Variants in DOCK9 observed in about 807,000 individuals in gnomAD.
DOCK9 encodes dedicator of cytokinesis 9.
Under a neutral mutation model 263.3 loss-of-function variants are expected in DOCK9, and 89 were observed. That is an observed-to-expected ratio of 0.34 (90% CI 0.28 to 0.40). The LOEUF (loss-of-function observed/expected upper bound fraction) is 0.40. DOCK9 is among the 10% of genes least tolerant of loss of function. The probability of loss-of-function intolerance (pLI) is 1.00; values close to 1 mark genes in which losing one functional copy is unlikely to be tolerated. For missense variants in DOCK9, 2,140 were observed against 2,603.4 expected (o/e 0.82, Z 3.87); for synonymous variants, 976 against 973.1 (o/e 1.00, Z -0.06).
intron 1 of DOCK9, among the ~76,000 whole-genome samples, chr13:99,034,888 T>A (rs889447253): frequency 6.6e-6 from 1 of 152,202 alleles, no homozygotes; most frequent in African/African-American, 2.4e-5. Context: ...CAGTTCCTTG[T>A]AAGCCATATG....
rs772951305 is a variant in DOCK9 at position 98,915,360 on chromosome 13, C to A, written c.861G>T (p.Met287Ile). Residue 287 changes from methionine (M) to isoleucine (I), a missense_variant, in exon 8 of 53, where the codon ATG (methionine) becomes ATT (isoleucine). Physicochemically the swap from Met to Ile is conservative, Grantham distance 10. This residue lies in a region of DOCK9 where 1,521 missense variants were observed against 1,741.7 expected (regional missense o/e 0.87). Transcript: ENST00000682017. ...KILQLNFEAAMQEKRNGDSHE... is the reference protein window; with the variant it reads ...KILQLNFEAAIQEKRNGDSHE... ...GAGAGTCGCCATTTCGCTTTTCTTG[C>A]ATTGCAGCTTCAAAGTTGAGCTGGA... The A allele has an allele frequency of 3.7e-6, 6 of 1,613,778 alleles. No individual in the cohort carries two copies. In the South Asian group the frequency reaches 4.4e-5, roughly 12 times the overall value.
intron 1 of DOCK9, among the ~76,000 whole-genome samples, chr13:99,012,742 C>T (rs1420392369): frequency 6.6e-6 from 1 of 152,142 alleles, no homozygotes; most frequent in Non-Finnish European, 1.5e-5. Context: ...ACTGCAAGCC[C>T]AGGGAACATT....
Position 98,969,361 on chromosome 13 carries a change from A to G in DOCK9, c.126+8423T>C, listed in dbSNP as rs961126776. Among the ~76,000 whole-genome samples, 12 of 152,246 alleles carry G rather than the reference A, an allele frequency of 7.9e-5. 1 individual carries two copies. The East Asian group carries it at 2.3e-3, about 29-fold the overall frequency. ...GGAAGGGAGGCAAATGAAAACGTGA[A>G]TGATTTTCAGATCTAGTCTTTCCTG... On this transcript the variant is annotated intron_variant, in intron 1 of 52. Coordinates refer to ENST00000682017, the MANE Select transcript of DOCK9 (RefSeq NM_001366683.2).
At chr13:98,963,286 C>A (rs2058858030) in intron 1 of DOCK9, among the ~76,000 whole-genome samples, 1 of 152,164 alleles carries the variant, frequency 6.6e-6, no homozygotes, top group East Asian at 1.9e-4. Flanking sequence ...TCTGGCGGCC[C>A]AACATCATGC....
At chr13:98,886,830 C>A (rs1367670394) in intron 18 of DOCK9, among the ~76,000 whole-genome samples, 1 of 152,126 alleles carries the variant, frequency 6.6e-6, no homozygotes, top group Non-Finnish European at 1.5e-5. Context: ...CCCCTTCCTG[C>A]CCTTCCAGGT....
At chr13:98,833,404 C>G (rs1201554323) in intron 39 of DOCK9, among the ~76,000 whole-genome samples, 1 of 152,112 alleles carries the variant, frequency 6.6e-6, no homozygotes, top group East Asian at 1.9e-4. Flanking sequence ...TGAGGCTATC[C>G]AGGAGATACG....
chr13:99,082,852 T>C (rs1320523870), intron 1 of DOCK9, among the ~76,000 whole-genome samples: 1 of 152,202 alleles, frequency 6.6e-6, no homozygotes, highest in Non-Finnish European at 1.5e-5. Context: ...ATACCTAAGA[T>C]TGTACAGCTG....
intron 25 of DOCK9, 30 bp downstream of exon 25, chr13:98,881,528 T>TA: frequency 6.4e-7 from 1 of 1,560,430 alleles, no homozygotes; most frequent in Non-Finnish European, 8.7e-7. Flanking sequence ...GCCACAGATG[T>TA]AAGTGATCAG....
At chr13:99,049,663 C>T (rs527896746) in intron 1 of DOCK9, among the ~76,000 whole-genome samples, 3 of 152,170 alleles carry the variant, frequency 2.0e-5, no homozygotes, top group South Asian at 4.1e-4. Flanking sequence ...CACAGGTGTG[C>T]GCCACAGCGT....
At chr13:98,869,943 G>C (rs189237265) in intron 27 of DOCK9, among the ~76,000 whole-genome samples, 1 of 152,228 alleles carries the variant, frequency 6.6e-6, no homozygotes, top group Non-Finnish European at 1.5e-5. Context: ...AACTGGATTG[G>C]AGGAGCTTGA....
At chr13:99,072,543 C>T (rs2041726844) in intron 1 of DOCK9, among the ~76,000 whole-genome samples, 1 of 152,174 alleles carries the variant, frequency 6.6e-6, no homozygotes, top group South Asian at 2.1e-4. Flanking sequence ...TCACCCCAAC[C>T]AGAGCATTCT....
At position 98,888,342 on chromosome 13, in the gene DOCK9, C is replaced by A. The variant is rs777692645; in HGVS notation, c.1977+18G>T. ...GAGGGTTTGACATCAAGAATGAAAC[C>A]TCCATCTTCACACTCACCTTGGCAA... On this transcript the variant is annotated intron_variant, in intron 17 of 52. Transcript: ENST00000682017. 1 of 1,609,734 alleles carries A rather than the reference C, an allele frequency of 6.2e-7. No homozygotes were observed. Among genetic ancestry groups the A allele is most frequent in the South Asian group, 1.1e-5 (1 of 90,422 alleles).
chr13:99,069,168 T>G (rs1236882553), intron 1 of DOCK9, among the ~76,000 whole-genome samples: 1 of 152,244 alleles, frequency 6.6e-6, no homozygotes, highest in Non-Finnish European at 1.5e-5. Context: ...CATCATAATT[T>G]TAACCAATGT....
intron 1 of DOCK9, among the ~76,000 whole-genome samples, chr13:98,984,017 C>T (rs1238599086): frequency 5.9e-5 from 9 of 152,178 alleles, no homozygotes; most frequent in Admixed American, 5.9e-4. Context: ...GAATCCAAGG[C>T]TGAATGTTAG....
rs2050691946 is a variant in DOCK9 at position 98,915,197 on chromosome 13, T to C, written c.892+132A>G. On this transcript the variant is annotated intron_variant, in intron 8 of 52. Transcript: ENST00000682017. ...TGACAAAACCTTTGCTGACAGGATA[T>C]TTGTAAAGAGCTCCTATCCGTCCCA... 13 of 798,030 alleles carry C rather than the reference T, an allele frequency of 1.6e-5. No individual in the cohort carries two copies. In the South Asian group the frequency reaches 2.3e-4, roughly 14 times the overall value. 49.4% of individuals were successfully genotyped at this position (798,030 alleles called of 1,614,324 possible).
intron 1 of DOCK9, among the ~76,000 whole-genome samples, chr13:98,999,288 G>GCACACACACACACACA (rs1412789503): frequency 8.7e-5 from 12 of 137,674 alleles, no homozygotes; most frequent in East Asian, 2.0e-4. Context: ...ACGCATGCAC[G>GCACACACACACACACA]CGCACACACA....
intron 2 of DOCK9, among the ~76,000 whole-genome samples, chr13:98,942,551 T>A (rs1161700241): frequency 6.6e-6 from 1 of 152,218 alleles, no homozygotes; most frequent in Non-Finnish European, 1.5e-5. Context: ...TGTCTTTCTT[T>A]AGAATTCTAT....
At position 98,829,341 on chromosome 13, in the gene DOCK9, G is replaced by A; in HGVS notation, c.4931C>T (p.Ala1644Val). The change falls in exon 43 of 53, where the codon GCC becomes GTC. Residue 1644 changes from alanine (A) to valine (V), a missense_variant. Coordinates refer to ENST00000682017, the MANE Select transcript of DOCK9 (RefSeq NM_001366683.2). The surrounding 1 kb of genome is among the most constrained non-coding windows in gnomAD (Gnocchi z 4.1). ...ATCGCCATTTTTGACATGGATCCTG[G>A]CCATGCTGTCGAGCCACGTCTTCCT... ...ELRKTWLDSMARIHVKNGDLS... is the reference protein window; with the variant it reads ...ELRKTWLDSMVRIHVKNGDLS... 1.2e-6 allele frequency: 2 copies of A among 1,613,252 alleles called. No homozygotes were observed. The highest frequency in any genetic ancestry group is 1.7e-6 in the Non-Finnish European group (2 of 1,179,646).
intron 1 of DOCK9, among the ~76,000 whole-genome samples, chr13:99,071,277 G>A (rs1178994803): frequency 1.4e-5 from 2 of 141,220 alleles, no homozygotes; most frequent in Admixed American, 7.6e-5. Context: ...CAAGTAGCTG[G>A]AACTACAGGT....
Sources: allele counts gnomAD v4.1 joint callset (sites outside exome capture counted in the v4.1 genomes callset), GRCh38; gene constraint gnomAD v4.1.1; regional missense constraint gnomAD v4.1.1; non-coding constraint Gnocchi (gnomAD v3.1); transcripts MANE v1.5; gene names NCBI Gene and HGNC (gene_info 2026-07-23, HGNC 2026-07-21).